The following NTRK2 variants were observed in gnomAD, a reference collection of about 807,000 sequenced individuals.
NTRK2 encodes BDNF/NT-3 growth factors receptor.
In NTRK2, 13 loss-of-function variants were observed where a neutral mutation model predicts 94.5. That is an observed-to-expected ratio of 0.14 (90% CI 0.09 to 0.22). The LOEUF (loss-of-function observed/expected upper bound fraction) is 0.22. Among genes scored for constraint, NTRK2 ranks in the 10% least tolerant of loss-of-function variants. The pLI, the probability that NTRK2 is intolerant of heterozygous loss-of-function variation, is 1.00. For missense variants in NTRK2, 639 were observed against 1,071.2 expected, an observed-to-expected ratio of 0.60 and a Z score of 5.63; for synonymous variants, 372 against 407.4, an observed-to-expected ratio of 0.91 and a Z score of 1.05.
At position 85,008,891 on chromosome 9, in the gene NTRK2, G is replaced by A. The variant is rs142295702; in HGVS notation, c.2173-11315G>A. Reference sequence around the variant, plus strand: ...TCCTTTTCCTTAGGTCCCAGCCATAGGGCTGTTCTCCAAGGGAAACATCAC... The same window carrying A: ...TCCTTTTCCTTAGGTCCCAGCCATAAGGCTGTTCTCCAAGGGAAACATCAC... On this transcript the variant is annotated intron_variant, in intron 17 of 18. Transcript: ENST00000277120. Among the ~76,000 whole-genome samples the A allele has an allele frequency of 1.6e-3, 242 of 152,328 alleles. 1 individual carries two copies. Among genetic ancestry groups the A allele is most frequent in the African/African-American group, 5.6e-3 (233 of 41,580 alleles).
At chr9:84,682,249 G>A (rs537336061) in intron 2 of NTRK2, among the ~76,000 whole-genome samples, 1 of 152,294 alleles carries the variant, frequency 6.6e-6, no homozygotes, top group South Asian at 2.1e-4. Flanking sequence ...ATGTCTGGGA[G>A]CCTTTCAAAT....
chr9:84,873,487 C>A (rs7038236), intron 14 of NTRK2: 178,283 of 1,058,988 alleles, frequency 0.17, 15,489 homozygotes, highest in African/African-American at 0.24. Context: ...AATTCCTTCC[C>A]CCTCTCAGTG....
At chr9:84,811,562 A>G (rs202000989) in intron 12 of NTRK2, 1 of 1,064,898 alleles carries the variant, frequency 9.4e-7, no homozygotes, top group Non-Finnish European at 1.1e-6. Context: ...TTCTACTCTG[A>G]AAAGGCCTGG....
At chr9:84,832,617 A>G (rs987052529) in intron 12 of NTRK2, among the ~76,000 whole-genome samples, 1 of 152,212 alleles carries the variant, frequency 6.6e-6, no homozygotes, top group African/African-American at 2.4e-5. Context: ...TGTGATAAAC[A>G]TGCATTAATG....
chr9:84,814,685 C>T (rs1459959400), intron 12 of NTRK2: 2 of 1,064,824 alleles, frequency 1.9e-6, no homozygotes, highest in East Asian at 5.0e-5. Flanking sequence ...CTTCACACTA[C>T]ACTAGAAGTT....
chr9:84,704,261 C>T (rs2060906655), intron 4 of NTRK2, among the ~76,000 whole-genome samples: 1 of 126,156 alleles, frequency 7.9e-6, no homozygotes, highest in Admixed American at 9.6e-5. Context: ...TGGAGTCTCG[C>T]TCTGTCACCC....
At chr9:84,954,576 G>C (rs1008775240) in intron 16 of NTRK2, among the ~76,000 whole-genome samples, 5 of 152,270 alleles carry the variant, frequency 3.3e-5, no homozygotes, top group African/African-American at 7.2e-5. Flanking sequence ...GTTGAGCGGA[G>C]GTTGGAGGAG....
At chr9:84,824,709 TG>T (rs938050697) in intron 12 of NTRK2, among the ~76,000 whole-genome samples, 1 of 152,212 alleles carries the variant, frequency 6.6e-6, no homozygotes, top group African/African-American at 2.4e-5. Context: ...TGGTGAGTTC[TG>T]GGCCTATGAG....
intron 12 of NTRK2, among the ~76,000 whole-genome samples, chr9:84,804,664 C>A (rs2070895769): frequency 6.6e-6 from 1 of 152,160 alleles, no homozygotes; most frequent in Non-Finnish European, 1.5e-5. Context: ...AATTGAGGCA[C>A]AAGATCTATG....
chr9:84,777,667 C>T (rs10465180), intron 12 of NTRK2, among the ~76,000 whole-genome samples: 93,840 of 151,910 alleles, frequency 0.62, 29,617 homozygotes, highest in South Asian at 0.68. Context: ...TGCTGATTTC[C>T]GCGGTGTAAA....
intron 6 of NTRK2, 112 bp downstream of exon 6, chr9:84,710,903 A>T: frequency 9.8e-7 from 1 of 1,015,528 alleles, no homozygotes; most frequent in South Asian, 1.4e-5. Context: ...TATTCTGTTG[A>T]TGTCTCCAGT....
chr9:84,856,637 G>A (rs747053508), intron 12 of NTRK2, among the ~76,000 whole-genome samples: 1 of 152,132 alleles, frequency 6.6e-6, no homozygotes, highest in Non-Finnish European at 1.5e-5. Flanking sequence ...TCTTTCAAAT[G>A]TCCTTTAGGG....
At chr9:84,871,306 A>G (rs533020722) in intron 14 of NTRK2, among the ~76,000 whole-genome samples, 1 of 152,316 alleles carries the variant, frequency 6.6e-6, no homozygotes, top group Non-Finnish European at 1.5e-5. Flanking sequence ...GACAGATACT[A>G]TAATTTTTCC....
Position 84,670,872 on chromosome 9 carries a change from C to G in NTRK2, c.124C>G (p.Arg42Gly). 1.2e-6 allele frequency: 2 copies of G among 1,613,754 alleles called. No individual in the cohort carries two copies. Among genetic ancestry groups the G allele is most frequent in the Non-Finnish European group, 1.7e-6 (2 of 1,180,038 alleles). Reference sequence around the variant, plus strand: ...CACGTCCTGCAAATGCAGTGCCTCTCGGATCTGGTGCAGCGACCCTTCTCC... The same window carrying G: ...CACGTCCTGCAAATGCAGTGCCTCTGGGATCTGGTGCAGCGACCCTTCTCC... Reference protein sequence around the residue: ...CPTSCKCSASRIWCSDPSPGI... With the variant: ...CPTSCKCSASGIWCSDPSPGI... Residue 42 changes from arginine (R) to glycine (G), a missense_variant, in exon 2 of 19, where the codon CGG becomes GGG. Physicochemically the swap from Arg to Gly is moderately radical, Grantham distance 125. This residue lies in a region of NTRK2 where 206 missense variants were observed against 251.5 expected (regional missense o/e 0.82). Transcript: ENST00000277120.
At chr9:84,809,325 A>G (rs1325543119) in intron 12 of NTRK2, among the ~76,000 whole-genome samples, 1 of 151,514 alleles carries the variant, frequency 6.6e-6, no homozygotes, top group African/African-American at 2.4e-5. Flanking sequence ...TGTAACATTT[A>G]TCACAGCGTC....
chr9:84,782,887 GCTTAATCT>G (rs1400217292), intron 12 of NTRK2, among the ~76,000 whole-genome samples: 2 of 152,158 alleles, frequency 1.3e-5, no homozygotes, highest in South Asian at 4.1e-4. Flanking sequence ...AAGTCACGAT[GCTTAATCT>G]TATGTTATCC....
chr9:84,937,437 A>C (rs1205793447), intron 15 of NTRK2, among the ~76,000 whole-genome samples: 2 of 152,140 alleles, frequency 1.3e-5, no homozygotes, highest in Middle Eastern at 3.2e-3. Context: ...GATTCCTGTA[A>C]ATTCTGGTGT....
chr9:84,978,879 C>T (rs1467138300), intron 17 of NTRK2, among the ~76,000 whole-genome samples: 1 of 152,180 alleles, frequency 6.6e-6, no homozygotes, highest in African/African-American at 2.4e-5. Flanking sequence ...CTACTCTGCC[C>T]ATGCTCTATA....
intron 12 of NTRK2, among the ~76,000 whole-genome samples, chr9:84,762,262 A>G (rs1180688043): frequency 1.3e-5 from 2 of 152,212 alleles, no homozygotes; most frequent in Non-Finnish European, 2.9e-5. Flanking sequence ...CTTGAGAGCA[A>G]AGAGAGGCAG....
Sources: gnomAD v4.1 joint callset for allele counts (sites outside exome capture counted in the v4.1 genomes callset) on GRCh38, gnomAD v4.1.1 for gene constraint, gnomAD v4.1.1 regional missense constraint, MANE v1.5 for transcripts, NCBI Gene and HGNC (gene_info 2026-07-23, HGNC 2026-07-21) for gene names.